DTHD1: variants seen among roughly 807,000 people sequenced by gnomAD.
The protein encoded by DTHD1 is death domain-containing protein 1.
A neutral mutation model predicts 74.8 loss-of-function variants in DTHD1; 59 were observed. The observed-to-expected ratio is 0.79, with a 90% CI of 0.64 to 0.98. DTHD1 has a LOEUF of 0.98. Among genes scored for constraint, DTHD1 ranks in the 50% least tolerant of loss-of-function variants. The probability of loss-of-function intolerance (pLI) is 0.00; values close to 1 mark genes in which losing one functional copy is unlikely to be tolerated. For missense variants in DTHD1, 1,051 were observed against 1,065.4 expected (o/e 0.99, Z 0.19); for synonymous variants, 365 against 371.1 (o/e 0.98, Z 0.19).
At chr4:36,311,846 G>C (rs1459850596) in intron 7 of DTHD1, 1 of 151,660 alleles carries the variant, frequency 6.6e-6, no homozygotes, top group Non-Finnish European at 1.5e-5. Context: ...CCAAAGTTTA[G>C]AAAAAAAGCA....
At chr4:36,330,761 T>A (rs571017425) in intron 8 of DTHD1, among the ~76,000 whole-genome samples, 20 of 152,258 alleles carry the variant, frequency 1.3e-4, no homozygotes, top group African/African-American at 4.3e-4. Flanking sequence ...TACAAGTACA[T>A]CCTCACTCAA....
chr4:36,314,990 T>C (rs1045471268), intron 7 of DTHD1, among the ~76,000 whole-genome samples: 2 of 152,134 alleles, frequency 1.3e-5, no homozygotes, highest in African/African-American at 4.8e-5. Context: ...CTCAGAGATA[T>C]GAAAAACAAT....
In DTHD1 at chr4:36,346,386, A is replaced by G. The variant is rs1759586315; in HGVS notation, c.*2562A>G. ...CTCACATACATTCACTCACAGCCAC[A>G]TATACACACCTCTTCACAACACAGA... On this transcript the variant is annotated 3_prime_UTR_variant, in exon 10 of 10. Coordinates refer to ENST00000639862, the MANE Select transcript of DTHD1 (RefSeq NM_001170700.3). Among the ~76,000 whole-genome samples the G allele has an allele frequency of 6.6e-6, 1 of 152,072 alleles. No individual in the cohort carries two copies. Among genetic ancestry groups the G allele is most frequent in the African/African-American group, 2.4e-5 (1 of 41,416 alleles).
chr4:36,345,622 A>G lies in DTHD1; in HGVS notation c.*1798A>G, dbSNP rs1453418492. 1 of 152,126 alleles carries G rather than the reference A, an allele frequency of 6.6e-6. No homozygotes were observed. Among genetic ancestry groups the G allele is most frequent in the Non-Finnish European group, 1.5e-5 (1 of 68,024 alleles). 9.4% of individuals were successfully genotyped at this position (152,126 alleles called of 1,614,324 possible). On this transcript the variant is annotated 3_prime_UTR_variant, in exon 10 of 10. Coordinates refer to ENST00000639862, the MANE Select transcript of DTHD1 (RefSeq NM_001170700.3). Reference sequence around the variant, plus strand: ...ATAAAGGAATATTTTATTAGTCAAGATTTTTTACATGCTGCCAAAAAGGTA... The same window carrying G: ...ATAAAGGAATATTTTATTAGTCAAGGTTTTTTACATGCTGCCAAAAAGGTA...
chr4:36,318,941 A>G (rs1258015742), intron 8 of DTHD1, among the ~76,000 whole-genome samples: 3 of 151,940 alleles, frequency 2.0e-5, no homozygotes, highest in Non-Finnish European at 2.9e-5. Flanking sequence ...TTTCCACCAT[A>G]AGACTTTGCA....
At chr4:36,319,912 T>A (rs555168345) in intron 8 of DTHD1, among the ~76,000 whole-genome samples, 2 of 152,304 alleles carry the variant, frequency 1.3e-5, no homozygotes, top group African/African-American at 4.8e-5. Flanking sequence ...TTACTGAACC[T>A]CTTTCACATC....
chr4:36,314,604 C>T (rs1560804768), intron 7 of DTHD1, among the ~76,000 whole-genome samples: 1 of 151,070 alleles, frequency 6.6e-6, no homozygotes, highest in African/African-American at 2.4e-5. Flanking sequence ...ACAGCTTGAG[C>T]TTGGGAGGTG....
chr4:36,305,109 A>T (rs1756966833), intron 5 of DTHD1, among the ~76,000 whole-genome samples: 1 of 152,208 alleles, frequency 6.6e-6, no homozygotes, highest in African/African-American at 2.4e-5. Flanking sequence ...TTGTACAAGA[A>T]AGCAAATTGG....
intron 8 of DTHD1, among the ~76,000 whole-genome samples, chr4:36,322,529 T>C (rs1012812687): frequency 6.6e-6 from 1 of 151,844 alleles, no homozygotes; most frequent in African/African-American, 2.4e-5. Context: ...CAGGAGAGCA[T>C]CCAAGTGGGA....
At chr4:36,295,341 C>G (rs994943668) in intron 5 of DTHD1, among the ~76,000 whole-genome samples, 2 of 152,004 alleles carry the variant, frequency 1.3e-5, no homozygotes, top group African/African-American at 4.8e-5. Context: ...TTAGTCAGCA[C>G]AGGTAGGAGA....
At chr4:36,318,060 A>G (rs1757831032) in intron 8 of DTHD1, among the ~76,000 whole-genome samples, 1 of 152,270 alleles carries the variant, frequency 6.6e-6, no homozygotes, top group Admixed American at 6.5e-5. Flanking sequence ...CATGCATTGT[A>G]TCACTAAACC....
intron 5 of DTHD1, among the ~76,000 whole-genome samples, chr4:36,301,422 A>G (rs1390672357): frequency 6.6e-6 from 1 of 152,150 alleles, no homozygotes; most frequent in Non-Finnish European, 1.5e-5. Context: ...AAAACTCCAG[A>G]GTTGTCGACA....
rs192693497 is a variant in DTHD1, at chr4:36,346,022, G to A, written c.*2198G>A. On this transcript the variant is annotated 3_prime_UTR_variant, in exon 10 of 10. Transcript: ENST00000639862. ...GGGTCCACTTGTGCACCTCACATATGCTGTCACAAACACACCCCTCCTGCA... is the reference window on the plus strand; with the variant it reads ...GGGTCCACTTGTGCACCTCACATATACTGTCACAAACACACCCCTCCTGCA... Among the ~76,000 whole-genome samples the A allele has an allele frequency of 4.6e-5, 7 of 151,798 alleles. No homozygotes were observed. In the East Asian group the frequency reaches 1.4e-3, roughly 29 times the overall value.
At chr4:36,292,052 G>A (rs1485191534) in intron 3 of DTHD1, among the ~76,000 whole-genome samples, 1 of 151,938 alleles carries the variant, frequency 6.6e-6, no homozygotes, top group Non-Finnish European at 1.5e-5. Context: ...TTTTTTCTGG[G>A]TTACAAATAA....
rs1019803999 is a variant in DTHD1, at chr4:36,346,142, A to G, written c.*2318A>G. On this transcript the variant is annotated 3_prime_UTR_variant, in exon 10 of 10. Transcript: ENST00000639862. ...ACCCCTCACACACATATAGTTTCAG[A>G]TCCACTTGTACACTCTCACAAATGT... Among the ~76,000 whole-genome samples the G allele has an allele frequency of 6.6e-6, 1 of 151,888 alleles. No homozygotes were observed. Among genetic ancestry groups the G allele is most frequent in the East Asian group, 1.9e-4 (1 of 5,164 alleles).
Position 36,316,465 on chromosome 4 carries a change from A to G in DTHD1, c.2319A>G (p.Lys773=), listed in dbSNP as rs1757742971. 1.9e-6 allele frequency: 3 copies of G among 1,549,262 alleles called. No individual in the cohort carries two copies. Among genetic ancestry groups the G allele is most frequent in the African/African-American group, 2.7e-5 (2 of 72,922 alleles). ...NENHSQLPIC[K]LPLKLPKHKK... is the part of the protein sequence containing the mutation. ...ACCATTCTCAGTTGCCAATTTGCAAATTACCATTGAAATTGCCAAAGGTGA... is the reference window on the plus strand; with the variant it reads ...ACCATTCTCAGTTGCCAATTTGCAAGTTACCATTGAAATTGCCAAAGGTGA... Residue 773 remains lysine (K), a synonymous_variant, in exon 8 of 10, where the codon AAA becomes AAG. Transcript: ENST00000639862.
intron 8 of DTHD1, chr4:36,333,691 G>C (rs1037184530): frequency 2.6e-5 from 4 of 152,260 alleles, no homozygotes; most frequent in Admixed American, 2.0e-4. Context: ...GGCACCATGA[G>C]AGGAAAACTA....
rs1329120112 is a variant in DTHD1, at chr4:36,346,116, C to CA, written c.*2293dup. 2.0e-5 allele frequency among the ~76,000 whole-genome samples: 3 copies of CA among 152,048 alleles called. No individual in the cohort carries two copies. Among genetic ancestry groups the CA allele is most frequent in the Non-Finnish European group, 4.4e-5 (3 of 67,996 alleles). On this transcript the variant is annotated 3_prime_UTR_variant, in exon 10 of 10. Transcript: ENST00000639862. ...ACATAAATACATGTGCACACACACACACCCCTCACACACATATAGTTTCAG... is the reference window on the plus strand; with the variant it reads ...ACATAAATACATGTGCACACACACACAACCCCTCACACACATATAGTTTCAG...
At chr4:36,337,170 C>T (rs765029703) in intron 8 of DTHD1, among the ~76,000 whole-genome samples, 7 of 151,880 alleles carry the variant, frequency 4.6e-5, no homozygotes, top group Non-Finnish European at 8.8e-5. Flanking sequence ...GCAAAAAAGG[C>T]TTGGGGGCAT....
Sources: allele counts gnomAD v4.1 joint callset (sites outside exome capture counted in the v4.1 genomes callset), GRCh38; gene constraint gnomAD v4.1.1; transcripts MANE v1.5; gene names NCBI Gene and HGNC (gene_info 2026-07-23, HGNC 2026-07-21).